SH3TC1: variants seen among roughly 807,000 people sequenced by gnomAD.
SH3TC1 encodes SH3 domain and tetratricopeptide repeat-containing protein 1.
In SH3TC1, 135 loss-of-function variants were observed where a neutral mutation model predicts 117.3. The observed-to-expected ratio is 1.15, with a 90% confidence interval of 1.00 to 1.33. The LOEUF is 1.33. Among genes scored for constraint, SH3TC1 ranks in the 40% most tolerant of loss-of-function variants. SH3TC1 has a pLI of 0.00. For missense variants in SH3TC1, 2,092 were observed against 1,794.3 expected, an observed-to-expected ratio of 1.17 and a Z score of -3.00; for synonymous variants, 898 against 816.9, an observed-to-expected ratio of 1.10 and a Z score of -1.69.
At chr4:8,187,672 T>C (rs989126098) in intron 1 of SH3TC1, among the ~76,000 whole-genome samples, 3 of 151,924 alleles carry the variant, frequency 2.0e-5, no homozygotes, top group African/African-American at 7.3e-5. Context: ...CTGTGGCAGC[T>C]GCCCGAGTAG....
In SH3TC1 at chr4:8,210,031, A is replaced by C. The variant is rs764631410; in HGVS notation, c.247+209A>C. Among the ~76,000 whole-genome samples, 7 of 152,166 alleles carry C rather than the reference A, an allele frequency of 4.6e-5. No individual in the cohort carries two copies. Among genetic ancestry groups the C allele is most frequent in the Non-Finnish European group, 8.8e-5 (6 of 67,998 alleles). On this transcript the variant is annotated intron_variant, in intron 3 of 17. Transcript: ENST00000245105. This position sits in a 1 kb window ranked among gnomAD's most constrained non-coding sequence, Gnocchi z 4.1. ...GGGACATGGCCCCTGGGGCTCCCCTAGGCATCCCTGTGTGCACCTGCACAA... is the reference window on the plus strand; with the variant it reads ...GGGACATGGCCCCTGGGGCTCCCCTCGGCATCCCTGTGTGCACCTGCACAA...
intron 2 of SH3TC1, among the ~76,000 whole-genome samples, chr4:8,207,001 G>A (rs1248782564): frequency 6.7e-6 from 1 of 149,320 alleles, no homozygotes; most frequent in Non-Finnish European, 1.5e-5. Context: ...TTAATTCCCT[G>A]CTTTTAATAA....
At position 8,222,853 on chromosome 4, in the gene SH3TC1, A is replaced by T; in HGVS notation, c.1126A>T (p.Ile376Phe). ...TATTTTTTCCAGGTTGGAAAGTGCG[A>T]TTTTTCTCAATGAGGAAGAAAAGTC... Reference protein sequence around the residue: ...QGPVSELESAIFLNEEEKSFF... With the variant: ...QGPVSELESAFFLNEEEKSFF... The change falls in exon 10 of 18, where the codon ATT becomes TTT. Residue 376 changes from isoleucine to phenylalanine, a missense_variant. By Grantham distance (21) the Ile-to-Phe change is conservative. Transcript: ENST00000245105. 1 of 1,611,338 alleles carries T rather than the reference A, an allele frequency of 6.2e-7. No individual in the cohort carries two copies. The highest frequency in any genetic ancestry group is 8.5e-7 in the Non-Finnish European group (1 of 1,177,712).
rs1214465275 is a variant in SH3TC1, at chr4:8,209,381, G to A, written c.173-367G>A. ...AAGTGGCGGCCACAAGCCGAGGGAC[G>A]TGTGCGGCCTCTTGAAGGCGAGGAG... On this transcript the variant is annotated intron_variant, in intron 2 of 17. Coordinates refer to ENST00000245105, the MANE Select transcript of SH3TC1 (RefSeq NM_018986.5). This position sits in a 1 kb window ranked among gnomAD's most constrained non-coding sequence, Gnocchi z 5.9. Among the ~76,000 whole-genome samples, 1 of 152,196 alleles carries A rather than the reference G, an allele frequency of 6.6e-6. No homozygotes were observed. Among genetic ancestry groups the A allele is most frequent in the Non-Finnish European group, 1.5e-5 (1 of 68,034 alleles).
At chr4:8,214,385 C>T (rs900800515) in intron 4 of SH3TC1, 90 bp from the exon 5 acceptor site, 1 of 1,235,090 alleles carries the variant, frequency 8.1e-7, no homozygotes, top group Non-Finnish European at 1.2e-6. Context: ...GCCACATCTG[C>T]AAGATGTCTC....
chr4:8,204,754 C>T (rs1678269), intron 1 of SH3TC1: 46,489 of 155,446 alleles, frequency 0.3, 7,814 homozygotes, highest in South Asian at 0.41. Flanking sequence ...AAGGGGGACT[C>T]GAATGTGTCC....
At chr4:8,200,244 C>T (rs955242831) in intron 1 of SH3TC1, among the ~76,000 whole-genome samples, 4 of 152,206 alleles carry the variant, frequency 2.6e-5, no homozygotes, top group Admixed American at 6.5e-5. Flanking sequence ...CGCCAGGCAG[C>T]GGGGCTGCGG....
At position 8,228,224 on chromosome 4, in the gene SH3TC1, G is replaced by A. The variant is rs1561711378; in HGVS notation, c.2530G>A (p.Ala844Thr). The A allele has an allele frequency of 2.5e-6, 4 of 1,609,012 alleles. No individual in the cohort carries two copies. The Admixed American group carries it at 6.7e-5, about 27-fold the overall frequency. Reference sequence around the variant, plus strand: ...CGTGCTTCATGGGCAGAGCCCGGTGGCCCTGGACATCCTGCAGTCTGTCCG... The same window carrying A: ...CGTGCTTCATGGGCAGAGCCCGGTGACCCTGGACATCCTGCAGTCTGTCCG... ...LHVLHGQSPVALDILQSVRDA... is the reference protein window; with the variant it reads ...LHVLHGQSPVTLDILQSVRDA... Residue 844 changes from alanine (A) to threonine (T), a missense_variant, in exon 12 of 18, where the codon GCC (alanine) becomes ACC (threonine). Ala to Thr is a moderately conservative substitution (Grantham distance 58). Coordinates refer to ENST00000245105, the MANE Select transcript of SH3TC1 (RefSeq NM_018986.5).
upstream of SH3TC1, among the ~76,000 whole-genome samples, chr4:8,196,661 G>C (rs1388268338): frequency 6.6e-6 from 1 of 152,210 alleles, no homozygotes; most frequent in Admixed American, 6.5e-5. This position sits in a 1 kb window ranked among gnomAD's most constrained non-coding sequence, Gnocchi z 4.6. Flanking sequence ...GGCAGAGGGA[G>C]CTGGACAGAG....
At position 8,232,136 on chromosome 4, in the gene SH3TC1, C is replaced by T; in HGVS notation, c.3111C>T (p.Tyr1037=). ...GQLLETISQL[Y]LSLGTERAYK... ...TCCTGGAGACCATCAGCCAGCTCTA[C>T]CTGTCCCTGGGCACCGAGCGGTGAG... Residue 1037 remains tyrosine, a synonymous_variant, in exon 13 of 18, where the codon TAC becomes TAT. Coordinates refer to ENST00000245105, the MANE Select transcript of SH3TC1 (RefSeq NM_018986.5). 1 of 1,600,750 alleles carries T rather than the reference C, an allele frequency of 6.2e-7. No homozygotes were observed. The highest frequency in any genetic ancestry group is 8.5e-7 in the Non-Finnish European group (1 of 1,175,458).
chr4:8,184,838 C>T (rs936778335), intron 1 of SH3TC1, among the ~76,000 whole-genome samples: 2 of 150,898 alleles, frequency 1.3e-5, no homozygotes, highest in African/African-American at 4.9e-5. Flanking sequence ...ACGAGATTGT[C>T]GTATACATTT....
chr4:8,226,900 G>T (rs1678299), intron 11 of SH3TC1, 80 bp from the exon 12 acceptor site: 27 of 1,040,054 alleles, frequency 2.6e-5, no homozygotes, highest in Non-Finnish European at 2.7e-5. Context: ...CAGAGGCTGG[G>T]GATGAGGGGA....
chr4:8,236,239 G>A, intron 15 of SH3TC1, 39 bp from the exon 16 acceptor site: 1 of 1,516,660 alleles, frequency 6.6e-7, no homozygotes, highest in South Asian at 1.2e-5. Context: ...GGCAAGGTGG[G>A]TGCTGCGGGA....
In SH3TC1 at chr4:8,237,498, C is replaced by A; in HGVS notation, c.3581C>A (p.Ala1194Asp). Reference sequence around the variant, plus strand: ...GGGGACCGGCTGAACGAGCGCGTGGCCTACCACCGGCTGGCCGCCCTGCAA... The same window carrying A: ...GGGGACCGGCTGAACGAGCGCGTGGACTACCACCGGCTGGCCGCCCTGCAA... ...TLGDRLNERV[A>D]YHRLAALQHR... The change falls in exon 17 of 18, where the codon GCC becomes GAC. Residue 1194 changes from alanine to aspartate, a missense_variant. Physicochemically the swap from Ala to Asp is moderately radical, Grantham distance 126. Coordinates refer to ENST00000245105, the MANE Select transcript of SH3TC1 (RefSeq NM_018986.5). 1 of 1,599,794 alleles carries A rather than the reference C, an allele frequency of 6.3e-7. No individual in the cohort carries two copies. Among genetic ancestry groups the A allele is most frequent in the South Asian group, 1.1e-5 (1 of 89,320 alleles).
rs187739248 is a variant in SH3TC1 at position 8,192,734 on chromosome 4, C to T, written c.-57+10524C>T. 1.2e-3 allele frequency among the ~76,000 whole-genome samples: 179 copies of T among 152,236 alleles called. 2 individuals carry two copies. The Middle Eastern group carries it at 0.024, about 20-fold the overall frequency. On this transcript the variant is annotated intron_variant, in intron 1 of 16. Coordinates refer to the SH3TC1 transcript ENST00000508641. This position sits in a 1 kb window ranked among gnomAD's most constrained non-coding sequence, Gnocchi z 4.1. ...GTCTCAAACTCCTGACCTCGTGATC[C>T]ACCTGCCTTGGTCTCCCTAAGTGCT... is the stretch of plus-strand genomic sequence containing the variant.
At chr4:8,233,007 A>G in intron 13 of SH3TC1, 1 of 1,199,792 alleles carries the variant, frequency 8.3e-7, no homozygotes, top group Non-Finnish European at 1.1e-6. Flanking sequence ...GATGACTGTG[A>G]TGCCTGCGCA....
rs1720076396 is a variant in SH3TC1 at position 8,222,885 on chromosome 4, C to T, written c.1158C>T (p.Phe386=). ...TCAATGAGGAAGAAAAGTCATTCTT[C>T]AGCGAGGGCTGCTTTTCTGAGGAGG... ...IFLNEEEKSF[F]SEGCFSEEDA... is the part of the protein sequence containing the mutation. Residue 386 remains phenylalanine, a synonymous_variant, in exon 10 of 18, where the codon TTC becomes TTT. Coordinates refer to ENST00000245105, the MANE Select transcript of SH3TC1 (RefSeq NM_018986.5). 3 of 1,613,650 alleles carry T rather than the reference C, an allele frequency of 1.9e-6. No homozygotes were observed. Among genetic ancestry groups the T allele is most frequent in the East Asian group, 2.2e-5 (1 of 44,886 alleles).
Position 8,219,493 on chromosome 4 carries a change from C to T in SH3TC1, c.1075C>T (p.Arg359Trp), listed in dbSNP as rs138612545. Residue 359 changes from arginine to tryptophan, a missense_variant, in exon 9 of 18, where the codon CGG (arginine) becomes TGG (tryptophan). By Grantham distance (101) the Arg-to-Trp change is moderately radical. Coordinates refer to ENST00000245105, the MANE Select transcript of SH3TC1 (RefSeq NM_018986.5). ...AGCCTCGGGCCGGGTGGGGTTTGTG[C>T]GGAGCAGCCTCATCAGCATGCAGGG... ...HAASGRVGFV[R>W]SSLISMQGPV... 1.2e-3 allele frequency: 1,991 copies of T among 1,594,692 alleles called. 9 individuals carry two copies. The highest frequency in any genetic ancestry group is 1.1e-3 in the Non-Finnish European group (1,231 of 1,167,376).
chr4:8,206,569 C>T lies in SH3TC1; in HGVS notation c.172+1203C>T, dbSNP rs141952435. ...CTGGGTGTTTCCTCCTCCGGAGGCT[C>T]AGCAAAGCACCGTGGCATCGCCTCT... On this transcript the variant is annotated intron_variant, in intron 2 of 17. Transcript: ENST00000245105. The surrounding 1 kb of genome is among the most constrained non-coding windows in gnomAD (Gnocchi z 5.5). Among the ~76,000 whole-genome samples, 1,214 of 152,210 alleles carry T rather than the reference C, an allele frequency of 8.0e-3. 9 individuals are homozygous for T. Among genetic ancestry groups the T allele is most frequent in the Non-Finnish European group, 0.013 (898 of 68,008 alleles).
Sources: gnomAD v4.1 joint callset for allele counts (sites outside exome capture counted in the v4.1 genomes callset) on GRCh38, gnomAD v4.1.1 for gene constraint, Gnocchi (gnomAD v3.1) non-coding constraint, MANE v1.5 for transcripts, NCBI Gene and HGNC (gene_info 2026-07-23, HGNC 2026-07-21) for gene names.